The following CTNNA3 variants were observed in gnomAD, a reference collection of about 807,000 sequenced individuals.
CTNNA3 encodes catenin alpha-3.
CTNNA3 carries 76 observed loss-of-function variants against 95.7 expected under a neutral mutation model. The ratio of observed to expected loss-of-function variants is 0.79; its 90% CI spans 0.66 to 0.96. The LOEUF (loss-of-function observed/expected upper bound fraction) is 0.96. Among genes scored for constraint, CTNNA3 ranks in the 40% least tolerant of loss-of-function variants. The probability of loss-of-function intolerance (pLI) is 0.00; values close to 1 mark genes in which losing one functional copy is unlikely to be tolerated. For missense variants in CTNNA3, 1,191 were observed against 1,089.8 expected (o/e 1.09, Z -1.31); for synonymous variants, 431 against 374.4 (o/e 1.15, Z -1.74).
chr10:66,898,223 A>G, intron 7 of CTNNA3, among the ~76,000 whole-genome samples: 1 of 152,210 alleles, frequency 6.6e-6, no homozygotes, highest in East Asian at 1.9e-4. Context: ...ACTTATCATT[A>G]GAGAGAGTAG....
intron 7 of CTNNA3, among the ~76,000 whole-genome samples, chr10:66,915,133 A>G (rs1846421463): frequency 6.6e-6 from 1 of 151,912 alleles, no homozygotes; most frequent in Non-Finnish European, 1.5e-5. Flanking sequence ...ATACATTTGT[A>G]TAGAACTGAA....
At chr10:67,416,440 C>G (rs1017471917) in intron 5 of CTNNA3, among the ~76,000 whole-genome samples, 1 of 151,758 alleles carries the variant, frequency 6.6e-6, no homozygotes, top group African/African-American at 2.4e-5. Context: ...AACCCTGTCT[C>G]TACTAAAAAT....
chr10:67,504,431 A>G (rs1289648372), intron 5 of CTNNA3, among the ~76,000 whole-genome samples: 1 of 122,574 alleles, frequency 8.2e-6, no homozygotes, highest in South Asian at 3.3e-4. Flanking sequence ...GTGAGACTCC[A>G]TCTCAAAAAA....
rs75752226 is a variant in CTNNA3, at chr10:67,357,012, C to T, written c.580-137142G>A. ...CAGTCAATTCATTCTCCTACACAACCGTTTAACGTCTCTTTCCTCAAACCT... is the reference window on the plus strand; with the variant it reads ...CAGTCAATTCATTCTCCTACACAACTGTTTAACGTCTCTTTCCTCAAACCT... On this transcript the variant is annotated intron_variant, in intron 5 of 17. Coordinates refer to ENST00000433211, the MANE Select transcript of CTNNA3 (RefSeq NM_013266.4). Among the ~76,000 whole-genome samples the T allele has an allele frequency of 8.2e-3, 1,252 of 152,192 alleles. 13 individuals are homozygous for T. The highest frequency in any genetic ancestry group is 0.029 in the African/African-American group (1,189 of 41,550).
intron 5 of CTNNA3, among the ~76,000 whole-genome samples, chr10:67,267,370 T>C (rs1866873130): frequency 6.6e-6 from 1 of 152,170 alleles, no homozygotes; most frequent in Non-Finnish European, 1.5e-5. Flanking sequence ...TATAATCTTC[T>C]TTTTTTGTTT....
intron 15 of CTNNA3, among the ~76,000 whole-genome samples, chr10:66,065,128 T>C (rs1042204630): frequency 6.6e-6 from 1 of 152,102 alleles, no homozygotes. Context: ...TTGGGGAAAG[T>C]CTTTACCCTG....
Position 65,920,440 on chromosome 10 carries a change from TAATC to T in CTNNA3, c.2574_2577del (p.Ile859LysfsTer27). 6.2e-7 allele frequency: 1 copy of T among 1,614,168 alleles called. No individual in the cohort carries two copies. Among genetic ancestry groups the T allele is most frequent in the African/African-American group, 1.3e-5 (1 of 75,054 alleles). ...CACGTTTCCTCTGGCTTCTCTCTTT[TAATC>T]AAGGGTTTTTTTGCAGGAGCCTTCA... is the stretch of plus-strand genomic sequence containing the variant. On this transcript the variant is annotated frameshift_variant, in exon 18 of 18. Coordinates refer to ENST00000433211, the MANE Select transcript of CTNNA3 (RefSeq NM_013266.4). LOFTEE classifies it high-confidence loss of function.
At chr10:66,584,192 C>T (rs1425271044) in intron 10 of CTNNA3, among the ~76,000 whole-genome samples, 1 of 151,704 alleles carries the variant, frequency 6.6e-6, no homozygotes, top group Non-Finnish European at 1.5e-5. Flanking sequence ...ATCTGTTAGG[C>T]TCATTTTTTC....
chr10:66,449,751 A>G (rs183086950), intron 11 of CTNNA3, among the ~76,000 whole-genome samples: 4 of 152,230 alleles, frequency 2.6e-5, no homozygotes, highest in Admixed American at 2.0e-4. Context: ...CCGGCAATAT[A>G]TCTTTTAAAA....
intron 5 of CTNNA3, among the ~76,000 whole-genome samples, chr10:67,367,536 T>C (rs1289151597): frequency 6.6e-6 from 1 of 152,140 alleles, no homozygotes; most frequent in Non-Finnish European, 1.5e-5. Context: ...AAAATAGAAT[T>C]ACCATGCGAA....
chr10:66,986,666 A>C (rs1850745699), intron 7 of CTNNA3, among the ~76,000 whole-genome samples: 1 of 152,154 alleles, frequency 6.6e-6, no homozygotes, highest in Non-Finnish European at 1.5e-5. Flanking sequence ...ACTATAGTCA[A>C]CTATACCTTG....
chr10:66,116,294 G>GT (rs916221696), intron 13 of CTNNA3, among the ~76,000 whole-genome samples: 173 of 151,822 alleles, frequency 1.1e-3, no homozygotes, highest in African/African-American at 4.0e-3. Context: ...GTGGAGAATT[G>GT]TTTTTTTTAA....
intron 9 of CTNNA3, among the ~76,000 whole-genome samples, chr10:66,677,760 A>T (rs1266666449): frequency 1.3e-5 from 2 of 152,126 alleles, no homozygotes; most frequent in Non-Finnish European, 2.9e-5. Context: ...TATAAGGTCC[A>T]TTAAACTTCT....
At chr10:67,068,303 A>C (rs1856217431) in intron 7 of CTNNA3, among the ~76,000 whole-genome samples, 2 of 152,288 alleles carry the variant, frequency 1.3e-5, no homozygotes, top group African/African-American at 4.8e-5. Context: ...ACACATATAG[A>C]TGGTGACACT....
At chr10:67,161,140 A>G (rs1448639182) in intron 7 of CTNNA3, among the ~76,000 whole-genome samples, 1 of 152,148 alleles carries the variant, frequency 6.6e-6, no homozygotes, top group African/African-American at 2.4e-5. Context: ...CATTTGATAT[A>G]TTGTTCACTT....
At chr10:66,034,221 C>A (rs532277794) in intron 15 of CTNNA3, among the ~76,000 whole-genome samples, 4 of 151,266 alleles carry the variant, frequency 2.6e-5, no homozygotes, top group African/African-American at 9.7e-5. Context: ...TATTATATAA[C>A]AACAATTGAA....
At chr10:67,727,147 T>A (rs1278745106) in intron 1 of CTNNA3, among the ~76,000 whole-genome samples, 1 of 121,804 alleles carries the variant, frequency 8.2e-6, no homozygotes, top group African/African-American at 3.1e-5. Flanking sequence ...GATACATATA[T>A]TATATAATTA....
chr10:67,259,016 T>C (rs1415516867), intron 5 of CTNNA3, among the ~76,000 whole-genome samples: 2 of 152,216 alleles, frequency 1.3e-5, no homozygotes, highest in Non-Finnish European at 2.9e-5. Flanking sequence ...TAAATAATTG[T>C]TGTACTATAT....
rs377044064 is a variant in CTNNA3, at chr10:66,280,649, T to C, written c.1733-28A>G. 9.6e-6 allele frequency: 15 copies of C among 1,557,112 alleles called. No homozygotes were observed. In the African/African-American group the frequency reaches 2.1e-4, roughly 22 times the overall value. On this transcript the variant is annotated intron_variant, in intron 12 of 17. Coordinates refer to ENST00000433211, the MANE Select transcript of CTNNA3 (RefSeq NM_013266.4). ...GTTAAAATAAAGAATAAGGAGAAGA[T>C]TGTCCTCTTTGTATTTTTGGATTTA...
Sources: allele counts gnomAD v4.1 joint callset (sites outside exome capture counted in the v4.1 genomes callset), GRCh38; gene constraint gnomAD v4.1.1; transcripts MANE v1.5; gene names NCBI Gene and HGNC (gene_info 2026-07-23, HGNC 2026-07-21).